The following RBFOX3 variants were observed in gnomAD, a reference collection of about 807,000 sequenced individuals.
RBFOX3 encodes the protein RNA binding protein fox-1 homolog 3.
RBFOX3 carries 17 observed loss-of-function variants against 48.7 expected under a neutral mutation model. The observed-to-expected ratio is 0.35, with a 90% CI of 0.24 to 0.52. The LOEUF (loss-of-function observed/expected upper bound fraction) is 0.52, where lower values mean the gene tolerates loss of function less well. RBFOX3 is among the 20% of genes least tolerant of loss of function. The pLI is 0.94. For missense variants in RBFOX3, 382 were observed against 497.5 expected (o/e 0.77, Z 2.21); for synonymous variants, 212 against 209.5 (o/e 1.01, Z -0.10).
chr17:79,504,705 G>A (rs34171533), intron 1 of RBFOX3, among the ~76,000 whole-genome samples: 41,105 of 152,022 alleles, frequency 0.27, 5,906 homozygotes, highest in African/African-American at 0.35. Flanking sequence ...TTTAGGGCCC[G>A]CCTGGATAAT....
the RBFOX3 span, among the ~76,000 whole-genome samples, chr17:79,623,754 G>A: frequency 6.6e-6 from 1 of 151,336 alleles, no homozygotes; most frequent in Non-Finnish European, 1.5e-5. Flanking sequence ...CCCAGGAGAT[G>A]GGGATTGCAG....
intron 3 of RBFOX3, among the ~76,000 whole-genome samples, chr17:79,261,670 C>T (rs2065801981): frequency 6.6e-6 from 1 of 152,266 alleles, no homozygotes; most frequent in Non-Finnish European, 1.5e-5. Flanking sequence ...GGGCCACCGT[C>T]TGAGCAGCAG....
At chr17:79,576,648 G>A (rs1269768430) in intron 1 of RBFOX3, among the ~76,000 whole-genome samples, 6 of 151,760 alleles carry the variant, frequency 4.0e-5, no homozygotes, top group East Asian at 3.9e-4. Context: ...GGAGGGGTGG[G>A]AGATGATGGA....
chr17:79,460,940 CT>C (rs1172953783), intron 2 of RBFOX3, among the ~76,000 whole-genome samples: 49 of 151,848 alleles, frequency 3.2e-4, no homozygotes, highest in African/African-American at 1.0e-3. Context: ...AAAACAGTGT[CT>C]TTTTTTTTAA....
At chr17:79,378,947 C>T (rs756962540) in intron 2 of RBFOX3, among the ~76,000 whole-genome samples, 12 of 152,210 alleles carry the variant, frequency 7.9e-5, no homozygotes, top group African/African-American at 2.2e-4. Flanking sequence ...CCAGAGGCCC[C>T]GTCCAGGCTG....
At chr17:79,620,211 A>G in the RBFOX3 span, among the ~76,000 whole-genome samples, 5 of 149,014 alleles carry the variant, frequency 3.4e-5, no homozygotes, top group Non-Finnish European at 7.4e-5. Flanking sequence ...GTGCACATGC[A>G]CACACAGGGA....
chr17:79,100,497 C>T (rs1003146627), intron 9 of RBFOX3: 6 of 152,232 alleles, frequency 3.9e-5, no homozygotes, highest in African/African-American at 1.4e-4. Context: ...GCATCGGACA[C>T]CAGGAGAAGA....
At chr17:79,484,379 G>A (rs754250387) in intron 1 of RBFOX3, among the ~76,000 whole-genome samples, 149 of 152,304 alleles carry the variant, frequency 9.8e-4, no homozygotes, top group Non-Finnish European at 1.9e-3. Flanking sequence ...ACTGCTGGGT[G>A]TGGGAGCCAC....
chr17:79,432,293 C>T (rs1302691882), intron 2 of RBFOX3, among the ~76,000 whole-genome samples: 1 of 152,234 alleles, frequency 6.6e-6, no homozygotes, highest in African/African-American at 2.4e-5. Context: ...CTGCTTCCAA[C>T]CCTGTTGGGT....
intron 3 of RBFOX3, among the ~76,000 whole-genome samples, chr17:79,294,724 G>A (rs1219139361): frequency 1.3e-5 from 2 of 152,158 alleles, no homozygotes; most frequent in African/African-American, 4.8e-5. Context: ...TCCGGACTGG[G>A]GGCCACGTGG....
intron 2 of RBFOX3, among the ~76,000 whole-genome samples, chr17:79,387,661 T>G (rs1051132575): frequency 7.2e-5 from 11 of 152,166 alleles, no homozygotes; most frequent in Non-Finnish European, 1.3e-4. Flanking sequence ...ATGTGCCATG[T>G]TGTTGGACTG....
chr17:79,258,142 CAGA>C (rs2065178717), intron 3 of RBFOX3, among the ~76,000 whole-genome samples: 1 of 152,150 alleles, frequency 6.6e-6, no homozygotes, highest in African/African-American at 2.4e-5. Context: ...TTGGAAAATG[CAGA>C]AGAACCTATT....
chr17:79,616,897 G>T, the RBFOX3 span, among the ~76,000 whole-genome samples: 1 of 152,318 alleles, frequency 6.6e-6, no homozygotes, highest in African/African-American at 2.4e-5. Flanking sequence ...AGACCTTGGA[G>T]GTCAGAGACG....
chr17:79,479,922 G>A lies in RBFOX3; in HGVS notation c.-175+2532C>T, dbSNP rs1006282004. 6.6e-6 allele frequency among the ~76,000 whole-genome samples: 1 copy of A among 152,212 alleles called. No homozygotes were observed. Among genetic ancestry groups the A allele is most frequent in the Non-Finnish European group, 1.5e-5 (1 of 68,038 alleles). ...GGAACTAGGCGTCTGAGGTTCCAGAGACAGAGCATGATCTCAGGGGGTCTC... is the reference window on the plus strand; with the variant it reads ...GGAACTAGGCGTCTGAGGTTCCAGAAACAGAGCATGATCTCAGGGGGTCTC... On this transcript the variant is annotated intron_variant, in intron 2 of 14. Transcript: ENST00000693108. This position sits in a 1 kb window ranked among gnomAD's most constrained non-coding sequence, Gnocchi z 5.1.
intron 3 of RBFOX3, among the ~76,000 whole-genome samples, chr17:79,271,331 C>T (rs1227007751): frequency 6.6e-6 from 1 of 152,188 alleles, no homozygotes; most frequent in African/African-American, 2.4e-5. Flanking sequence ...GTGTCTTGGC[C>T]TCCCAAAGTG....
At position 79,531,331 on chromosome 17, in the gene RBFOX3, AG is replaced by A. The variant is rs1180587948; in HGVS notation, c.-319-48734del. Among the ~76,000 whole-genome samples, 26 of 152,252 alleles carry A rather than the reference AG, an allele frequency of 1.7e-4. No individual in the cohort carries two copies. In the South Asian group the frequency reaches 2.1e-3, roughly 12 times the overall value. ...CCAGAGGCCCCAGGTGGGCATGAGGAGGCTGCCTGCGTGTGCGGAGGAGGGC... is the reference window on the plus strand; with the variant it reads ...CCAGAGGCCCCAGGTGGGCATGAGGAGCTGCCTGCGTGTGCGGAGGAGGGC... On this transcript the variant is annotated intron_variant, in intron 1 of 14. Transcript: ENST00000693108.
At chr17:79,308,297 C>T (rs1038340425) in intron 2 of RBFOX3, among the ~76,000 whole-genome samples, 5 of 152,202 alleles carry the variant, frequency 3.3e-5, no homozygotes, top group African/African-American at 1.2e-4. Context: ...TAACGGCCGG[C>T]GTGGGTTGAG....
intron 4 of RBFOX3, among the ~76,000 whole-genome samples, chr17:79,189,541 A>G (rs1395471957): frequency 6.6e-6 from 1 of 152,350 alleles, no homozygotes; most frequent in Non-Finnish European, 1.5e-5. Context: ...CCGTCTGTGC[A>G]GCAATTATCT....
intron 1 of RBFOX3, among the ~76,000 whole-genome samples, chr17:79,495,982 C>A (rs1378120944): frequency 3.9e-5 from 6 of 151,950 alleles, no homozygotes; most frequent in East Asian, 1.9e-4. Flanking sequence ...AAGCATGGCC[C>A]CTGGTTAATA....
Sources: gnomAD v4.1 joint callset for allele counts (sites outside exome capture counted in the v4.1 genomes callset) on GRCh38, gnomAD v4.1.1 for gene constraint, Gnocchi (gnomAD v3.1) non-coding constraint, MANE v1.5 for transcripts, NCBI Gene and HGNC (gene_info 2026-07-23, HGNC 2026-07-21) for gene names.